The following RPS8 variants were observed in gnomAD, a reference collection of about 807,000 sequenced individuals.
RPS8 encodes the protein ribosomal protein S8.
For synonymous variants in RPS8, 100 were observed against 100.7 expected, an observed-to-expected ratio of 0.99 and a Z score of 0.04; for missense variants, 141 against 269.7, an observed-to-expected ratio of 0.52 and a Z score of 3.34.
chr1:44,775,793 G>C (rs1293608848), intron 1 of RPS8, 193 bp downstream of exon 1: 4 of 858,104 alleles, frequency 4.7e-6, no homozygotes, highest in Non-Finnish European at 7.6e-6. Context: ...TCCGGGTTCC[G>C]GGCCGCGGGC....
chr1:44,777,390 T>C (rs1650895938), intron 3 of RPS8: 1 of 546,804 alleles, frequency 1.8e-6, no homozygotes, highest in Non-Finnish European at 3.3e-6. Context: ...CTTTCTGAAC[T>C]CTGCAGCCTG....
chr1:44,775,759 C>CT, intron 1 of RPS8, 159 bp downstream of exon 1: 1 of 1,024,028 alleles, frequency 9.8e-7, no homozygotes, highest in Non-Finnish European at 1.5e-6. Context: ...CAGCCCGTCT[C>CT]TGGGGGCTGC....
rs1032128147 is a variant in RPS8, at chr1:44,778,146, G to A, written c.517+17G>A. 1.0e-5 allele frequency: 16 copies of A among 1,589,168 alleles called. No individual in the cohort carries two copies. Among genetic ancestry groups the A allele is most frequent in the African/African-American group, 2.7e-5 (2 of 74,204 alleles). On this transcript the variant is annotated intron_variant, in intron 5 of 5. Transcript: ENST00000396651. The stretch of plus-strand genomic sequence containing the variant: ...AGCTTCTTGGTGAGAAGGCTGTTGT[G>A]TTGGAGGTGGGGAGTCGCAGAGATT...
chr1:44,776,496 G>A lies in RPS8; in HGVS notation c.112-179G>A, dbSNP rs776520365. 2.3e-5 allele frequency: 18 copies of A among 767,156 alleles called. No individual in the cohort carries two copies. The African/African-American group carries it at 2.7e-4, about 12-fold the overall frequency. The allele number at this position is 767,156 out of a possible 1,614,324, so 47.5% of individuals were successfully genotyped here. A position where few individuals can be genotyped will look rare whatever the true frequency, so the allele number is the denominator to read the frequency against. On this transcript the variant is annotated intron_variant, in intron 2 of 5. Coordinates refer to ENST00000396651, the MANE Select transcript of RPS8 (RefSeq NM_001012.2). ...AGGCTTTCCTCTTGGAGGCAAGTAG[G>A]GTGATGAAAAAGAATCCTTAGGCGT...
chr1:44,775,625 G>T, intron 1 of RPS8, 25 bp downstream of exon 1: 2 of 1,613,992 alleles, frequency 1.2e-6, no homozygotes, highest in Non-Finnish European at 1.7e-6. Flanking sequence ...GCATTGAGGC[G>T]GGTGAAGGGA....
chr1:44,777,534 T>TG (rs1167983917), intron 3 of RPS8, 80 bp from the exon 4 acceptor site: 2 of 1,164,404 alleles, frequency 1.7e-6, no homozygotes, highest in African/African-American at 3.0e-5. Flanking sequence ...TAAGGCCTCA[T>TG]GGGGCTGAAG....
intron 3 of RPS8, chr1:44,777,367 G>A (rs539633024): frequency 7.2e-5 from 35 of 487,244 alleles, no homozygotes; most frequent in East Asian, 4.5e-4. Context: ...CACCGTGCCC[G>A]ACCTGCTCTG....
rs755339411 is a variant in RPS8 at position 44,775,923 on chromosome 1, C to A, written c.5-111C>A. Reference sequence around the variant, plus strand: ...CCCGAGTGCGCGGTGGGGAAGCCAACCTTGGAGAGCTGAGCGTGCGACCGG... The same window carrying A: ...CCCGAGTGCGCGGTGGGGAAGCCAAACTTGGAGAGCTGAGCGTGCGACCGG... On this transcript the variant is annotated intron_variant, in intron 1 of 5. Coordinates refer to ENST00000396651, the MANE Select transcript of RPS8 (RefSeq NM_001012.2). 1.1e-5 allele frequency: 11 copies of A among 1,040,146 alleles called. No homozygotes were observed. The Admixed American group carries it at 1.4e-4, about 13-fold the overall frequency. The allele number at this position is 1,040,146 out of a possible 1,614,324, so 64.4% of individuals were successfully genotyped here. A position where few individuals can be genotyped will look rare whatever the true frequency, so the allele number is the denominator to read the frequency against.
At chr1:44,776,281 C>A in intron 2 of RPS8, 141 bp downstream of exon 2, 1 of 668,994 alleles carries the variant, frequency 1.5e-6, no homozygotes, top group Non-Finnish European at 2.6e-6. Context: ...TCCTGTCCCC[C>A]TTTAGCTGTT....
intron 5 of RPS8, 174 bp from the exon 6 acceptor site, chr1:44,778,402 A>G: frequency 1.2e-6 from 1 of 811,668 alleles, no homozygotes; most frequent in Non-Finnish European, 2.2e-6. Context: ...TCAGTGATGA[A>G]AACTTTGTCC....
rs769497842 is a variant in RPS8 at position 44,776,092 on chromosome 1, C to T, written c.63C>T (p.Tyr21=). 5 of 1,610,056 alleles carry T rather than the reference C, an allele frequency of 3.1e-6. No individual in the cohort carries two copies. Among genetic ancestry groups the T allele is most frequent in the South Asian group, 1.1e-5 (1 of 90,900 alleles). The change falls in exon 2 of 6, where the codon TAC becomes TAT. Residue 21 remains tyrosine (Y), a synonymous_variant. Transcript: ENST00000396651. ...AAACCGGGGGCAAGAGAAAGCCCTACCACAAGAAGCGGAAGTATGAGTTGG... is the reference window on the plus strand; with the variant it reads ...AAACCGGGGGCAAGAGAAAGCCCTATCACAAGAAGCGGAAGTATGAGTTGG... ...RRKTGGKRKP[Y]HKKRKYELGR...
At chr1:44,776,010 T>G in intron 1 of RPS8, 24 bp from the exon 2 acceptor site, 1 of 1,610,260 alleles carries the variant, frequency 6.2e-7, no homozygotes, top group East Asian at 2.2e-5. Flanking sequence ...TGGCTCAAGC[T>G]TCCTTCCCCG....
intron 1 of RPS8, 36 bp downstream of exon 1, chr1:44,775,636 G>T (rs780424225): frequency 1.2e-5 from 19 of 1,613,718 alleles, no homozygotes; most frequent in Middle Eastern, 1.6e-4. Context: ...GGTGAAGGGA[G>T]GTTGAGCTCA....
chr1:44,775,615 G>C lies in RPS8; in HGVS notation c.4+15G>C, dbSNP rs1378504344. On this transcript the variant is annotated intron_variant, in intron 1 of 5. Coordinates refer to ENST00000396651, the MANE Select transcript of RPS8 (RefSeq NM_001012.2). ...CCGAGCGATGGGTGAGTGTCGCTCT[G>C]CATTGAGGCGGGTGAAGGGAGGTTG... The C allele has an allele frequency of 6.2e-7, 1 of 1,614,120 alleles. No individual in the cohort carries two copies. The highest frequency in any genetic ancestry group is 8.5e-7 in the Non-Finnish European group (1 of 1,179,978).
chr1:44,778,556 G>C lies in RPS8; in HGVS notation c.518-20G>C, dbSNP rs1650948986. 1 of 1,600,478 alleles carries C rather than the reference G, an allele frequency of 6.2e-7. No individual in the cohort carries two copies. The highest frequency in any genetic ancestry group is 8.6e-7 in the Non-Finnish European group (1 of 1,167,802). ...AGGGCCACCTTGTCGTTGTGCTAAG[G>C]ATCACCTACTCTCTTGCAGCGTGCA... On this transcript the variant is annotated intron_variant, in intron 5 of 5. Transcript: ENST00000396651.
chr1:44,777,905 C>A, intron 4 of RPS8, 95 bp from the exon 5 acceptor site: 1 of 1,582,004 alleles, frequency 6.3e-7, no homozygotes. Context: ...GCCTTTTAGG[C>A]TGAGGAAGGC....
chr1:44,775,637 G>C (rs369889220), intron 1 of RPS8, 37 bp downstream of exon 1: 1 of 1,613,702 alleles, frequency 6.2e-7, no homozygotes, highest in Non-Finnish European at 8.5e-7. Flanking sequence ...GTGAAGGGAG[G>C]TTGAGCTCAA....
chr1:44,777,483 C>G (rs1205790805), intron 3 of RPS8, 131 bp from the exon 4 acceptor site: 2 of 729,114 alleles, frequency 2.7e-6, no homozygotes, highest in Non-Finnish European at 4.7e-6. Flanking sequence ...CGAACTGATG[C>G]CCCATGGCTT....
Position 44,775,586 on chromosome 1 carries a change from A to G in RPS8, c.-11A>G, listed in dbSNP as rs889450338. 4 of 1,614,020 alleles carry G rather than the reference A, an allele frequency of 2.5e-6. No individual in the cohort carries two copies. The highest frequency in any genetic ancestry group is 2.7e-5 in the African/African-American group (2 of 74,918). On this transcript the variant is annotated 5_prime_UTR_variant, in exon 1 of 6. Coordinates refer to ENST00000396651, the MANE Select transcript of RPS8 (RefSeq NM_001012.2). Reference sequence around the variant, plus strand: ...ATCTTTGCGGTTTCTCTTTCCAGCCAGCGCCGAGCGATGGGTGAGTGTCGC... The same window carrying G: ...ATCTTTGCGGTTTCTCTTTCCAGCCGGCGCCGAGCGATGGGTGAGTGTCGC...
Sources: gnomAD v4.1 joint callset for allele counts on GRCh38, gnomAD v4.1.1 for gene constraint, MANE v1.5 for transcripts, NCBI Gene and HGNC (gene_info 2026-07-23, HGNC 2026-07-21) for gene names.